TPST2: variants seen among roughly 807,000 people sequenced by gnomAD.
TPST2 encodes the protein tyrosylprotein sulfotransferase 2.
TPST2 carries 16 observed loss-of-function variants against 27.8 expected under a neutral mutation model. That is an observed-to-expected ratio of 0.58 (90% CI 0.39 to 0.88). The LOEUF (loss-of-function observed/expected upper bound fraction) is 0.88. Ranked by LOEUF, TPST2 falls within the 40% of genes least tolerant of loss-of-function variation. TPST2 has a pLI of 0.00. For missense variants in TPST2, 464 were observed against 543.1 expected (o/e 0.85, Z 1.45); for synonymous variants, 229 against 231.7 (o/e 0.99, Z 0.10).
chr22:26,539,223 A>G (rs900014072), intron 3 of TPST2, among the ~76,000 whole-genome samples: 1 of 152,144 alleles, frequency 6.6e-6, no homozygotes, highest in Non-Finnish European at 1.5e-5. Flanking sequence ...AGCAGGGACC[A>G]GCCATGGGAA....
chr22:26,565,590 G>A (rs962791225), intron 1 of TPST2: 1 of 152,180 alleles, frequency 6.6e-6, no homozygotes, highest in Non-Finnish European at 1.5e-5. Context: ...TTTGGCCAGA[G>A]GATGTCAGCC....
intron 1 of TPST2, among the ~76,000 whole-genome samples, chr22:26,578,436 C>T (rs1286528699): frequency 6.6e-6 from 1 of 152,194 alleles, no homozygotes; most frequent in Non-Finnish European, 1.5e-5. Context: ...GGTACAGCAA[C>T]CTGTGTTGAA....
In TPST2 at chr22:26,541,511, G is replaced by A. The variant is rs1451634050; in HGVS notation, c.120C>T (p.Ser40=). The A allele has an allele frequency of 2.5e-6, 4 of 1,611,616 alleles. No individual in the cohort carries two copies. Among genetic ancestry groups the A allele is most frequent in the Admixed American group, 1.7e-5 (1 of 59,874 alleles). Residue 40 remains serine (S), a synonymous_variant, in exon 3 of 7, where the codon AGC becomes AGT. Transcript: ENST00000338754. This position sits in a 1 kb window ranked among gnomAD's most constrained non-coding sequence, Gnocchi z 5.9. ...ECRAVLAGLR[S]PRGAMRPEQE... ...GCTCAGGCCGCATGGCCCCCCGGGG[G>A]CTCCGCAGGCCCGCCAGCACCGCCC...
chr22:26,576,956 C>T (rs1393909897), intron 1 of TPST2, among the ~76,000 whole-genome samples: 3 of 151,714 alleles, frequency 2.0e-5, no homozygotes, highest in East Asian at 1.9e-4. Flanking sequence ...ATTAGCCGGG[C>T]GTGGTGGCAG....
chr22:26,554,275 G>A (rs545117544), intron 1 of TPST2, among the ~76,000 whole-genome samples: 3 of 152,126 alleles, frequency 2.0e-5, no homozygotes, highest in African/African-American at 7.2e-5. Context: ...AGTAGTGCCC[G>A]GCTCAGACTC....
intron 4 of TPST2, chr22:26,536,044 G>A: frequency 3.0e-6 from 2 of 671,504 alleles, no homozygotes; most frequent in Admixed American, 2.1e-5. Flanking sequence ...TAGTGTACAA[G>A]CTGGCCTGCT....
intron 1 of TPST2, chr22:26,550,586 A>C: frequency 1.0e-6 from 1 of 985,480 alleles, no homozygotes; most frequent in African/African-American, 1.7e-5. Context: ...AGGTCACTGC[A>C]CTTACAGAGT....
chr22:26,540,929 C>T lies in TPST2; in HGVS notation c.702G>A (p.Leu234=), dbSNP rs763555643. 1.6e-5 allele frequency: 26 copies of T among 1,614,096 alleles called. No individual in the cohort carries two copies. In the East Asian group the frequency reaches 5.3e-4, roughly 33 times the overall value. The part of the protein sequence containing the change: ...QCMEVGKEKC[L]PVYYEQLVLH... The stretch of plus-strand genomic sequence containing the variant: ...GCACCAGCTGCTCGTAGTACACAGG[C>T]AGGCACTTCTCCTTGCCTACCTCCA... The change falls in exon 3 of 7, where the codon CTG becomes CTA. Residue 234 remains leucine, a synonymous_variant. Coordinates refer to ENST00000338754, the MANE Select transcript of TPST2 (RefSeq NM_003595.5).
Position 26,588,891 on chromosome 22 carries a change from A to AT in TPST2, c.-161+1161_-161+1162insA, listed in dbSNP as rs1231896074. ...AGGGAGAGGTGTCCACCCACAGCCC[A>AT]GTCTGGCAGACAGACATGCAAGGGA... On this transcript the variant is annotated intron_variant, in intron 1 of 6. Transcript: ENST00000338754. Among the ~76,000 whole-genome samples, 6 of 152,324 alleles carry AT rather than the reference A, an allele frequency of 3.9e-5. No homozygotes were observed. In the East Asian group the frequency reaches 1.2e-3, roughly 29 times the overall value.
rs564986844 is a variant in TPST2 at position 26,549,859 on chromosome 22, C to G, written c.-160-5184G>C. On this transcript the variant is annotated intron_variant, in intron 1 of 6. Coordinates refer to ENST00000338754, the MANE Select transcript of TPST2 (RefSeq NM_003595.5). ...TCCTGGCTAACACGGTGAAACCCCC[C>G]TCTCTACTAAAAAAAAAAAAAAAAA... is the stretch of plus-strand genomic sequence containing the variant. Among the ~76,000 whole-genome samples the G allele has an allele frequency of 5.9e-5, 8 of 135,002 alleles. No individual in the cohort carries two copies. The Admixed American group carries it at 6.0e-4, about 10-fold the overall frequency. The allele number at this position is 135,002 out of a possible 152,430, so 88.6% of individuals were successfully genotyped here.
chr22:26,562,798 C>G (rs1293784073), intron 1 of TPST2, among the ~76,000 whole-genome samples: 1 of 151,990 alleles, frequency 6.6e-6, no homozygotes, highest in Non-Finnish European at 1.5e-5. Context: ...TAATTTTGTA[C>G]TTTTAGTACA....
Position 26,522,172 on chromosome 22 carries a change from C to T in TPST2, c.*4103G>A, listed in dbSNP as rs1924587023. ...CATCCCCTGAGATCCCCCTATAGTT[C>T]TTATCCCTTTACCCCCATTTTACAG... On this transcript the variant is annotated 3_prime_UTR_variant, in exon 7 of 7. Transcript: ENST00000338754. 6.6e-6 allele frequency: 1 copy of T among 152,128 alleles called. No homozygotes were observed. Among genetic ancestry groups the T allele is most frequent in the Non-Finnish European group, 1.5e-5 (1 of 68,024 alleles). 9.4% of individuals were successfully genotyped at this position (152,128 alleles called of 1,614,324 possible).
At position 26,524,505 on chromosome 22, in the gene TPST2, T is replaced by G. The variant is rs1211664025; in HGVS notation, c.*1770A>C. 2 of 137,776 alleles carry G rather than the reference T, an allele frequency of 1.5e-5. No individual in the cohort carries two copies. Among genetic ancestry groups the G allele is most frequent in the African/African-American group, 6.0e-5 (2 of 33,070 alleles). The allele number at this position is 137,776 out of a possible 1,614,324, so 8.5% of individuals were successfully genotyped here. A position where few individuals can be genotyped will look rare whatever the true frequency, so the allele number is the denominator to read the frequency against. ...CTGAGTGACAGAGCGAGATTCTGTC[T>G]AAACACACACATACACACATACACA... On this transcript the variant is annotated 3_prime_UTR_variant, in exon 7 of 7. Coordinates refer to ENST00000338754, the MANE Select transcript of TPST2 (RefSeq NM_003595.5).
intron 1 of TPST2, among the ~76,000 whole-genome samples, chr22:26,582,309 C>G (rs1928146436): frequency 6.6e-6 from 1 of 152,184 alleles, no homozygotes; most frequent in South Asian, 2.1e-4. Flanking sequence ...TGTCTGTAAT[C>G]CCAGCTACTT....
At chr22:26,558,097 T>A (rs1926896316) in intron 1 of TPST2, among the ~76,000 whole-genome samples, 1 of 145,552 alleles carries the variant, frequency 6.9e-6, no homozygotes, top group Non-Finnish European at 1.5e-5. Flanking sequence ...TGTATAAAAA[T>A]TATTATATAA....
rs150631029 is a variant in TPST2, at chr22:26,553,095, C to T, written c.-160-8420G>A. 4.4e-3 allele frequency among the ~76,000 whole-genome samples: 627 copies of T among 144,010 alleles called. 7 individuals carry two copies. Among genetic ancestry groups the T allele is most frequent in the African/African-American group, 0.015 (585 of 39,196 alleles). The allele number at this position is 144,010 out of a possible 152,430, so 94.5% of individuals were successfully genotyped here. On this transcript the variant is annotated intron_variant, in intron 1 of 6. Coordinates refer to ENST00000338754, the MANE Select transcript of TPST2 (RefSeq NM_003595.5). ...AAAAAAAAAAAAAAAAAGACACTAT[C>T]AGCAGCACCTGCCCTCAGTGCAACC...
At chr22:26,564,546 G>A (rs1403696903) in intron 1 of TPST2, among the ~76,000 whole-genome samples, 2 of 152,190 alleles carry the variant, frequency 1.3e-5, no homozygotes, top group Admixed American at 6.5e-5. Context: ...GCTCTCACCA[G>A]TTGCACATCT....
intron 1 of TPST2, among the ~76,000 whole-genome samples, chr22:26,579,992 C>T (rs1441168761): frequency 1.3e-5 from 2 of 152,098 alleles, no homozygotes; most frequent in African/African-American, 2.4e-5. Flanking sequence ...CGTCTGTAAT[C>T]CCAGTACTTT....
At chr22:26,528,463 G>A (rs761297990) in intron 5 of TPST2, among the ~76,000 whole-genome samples, 14 of 152,158 alleles carry the variant, frequency 9.2e-5, no homozygotes, top group East Asian at 3.8e-4. Flanking sequence ...ACTTACGTTC[G>A]AGTTGAAGAA....
Sources: allele counts gnomAD v4.1 joint callset (sites outside exome capture counted in the v4.1 genomes callset), GRCh38; gene constraint gnomAD v4.1.1; non-coding constraint Gnocchi (gnomAD v3.1); transcripts MANE v1.5; gene names NCBI Gene and HGNC (gene_info 2026-07-23, HGNC 2026-07-21).